ALK: variants seen among roughly 807,000 people sequenced by gnomAD.
ALK encodes the protein ALK tyrosine kinase receptor.
ALK carries 74 observed loss-of-function variants against 163.1 expected under a neutral mutation model. The ratio of observed to expected loss-of-function variants is 0.45; its 90% CI spans 0.38 to 0.55. ALK has a LOEUF of 0.55. Among genes scored for constraint, ALK ranks in the 20% least tolerant of loss-of-function variants. ALK has a pLI of 0.00. For synonymous variants in ALK, 960 were observed against 843.2 expected (o/e 1.14, Z -2.40); for missense variants, 2,063 against 2,105.3 (o/e 0.98, Z 0.39).
chr2:29,513,613 C>G (rs1672581687), intron 4 of ALK, among the ~76,000 whole-genome samples: 1 of 151,868 alleles, frequency 6.6e-6, no homozygotes, highest in Admixed American at 6.6e-5. Flanking sequence ...TCTAAAACAC[C>G]AAAAGCAATG....
chr2:29,530,119 A>G (rs1415397127), intron 4 of ALK, among the ~76,000 whole-genome samples: 1 of 133,336 alleles, frequency 7.5e-6, no homozygotes, highest in East Asian at 2.1e-4. Context: ...TCTCTTTCCC[A>G]ACTCCACCCT....
intron 3 of ALK, among the ~76,000 whole-genome samples, chr2:29,572,688 G>C (rs1251605814): frequency 6.6e-6 from 1 of 152,148 alleles, no homozygotes; most frequent in Non-Finnish European, 1.5e-5. Context: ...TTAAAGGTGA[G>C]GACCATGCCT....
At position 29,800,018 on chromosome 2, in the gene ALK, G is replaced by A. The variant is rs547287569; in HGVS notation, c.668-82321C>T. 1.7e-4 allele frequency among the ~76,000 whole-genome samples: 26 copies of A among 152,344 alleles called. 1 individual carries two copies. The highest frequency in any genetic ancestry group is 6.0e-4 in the African/African-American group (25 of 41,584). On this transcript the variant is annotated intron_variant, in intron 1 of 28. Coordinates refer to ENST00000389048, the MANE Select transcript of ALK (RefSeq NM_004304.5). ...GGACAAAGCTCCGGACTCCAAGTAG[G>A]GGAGGTGAACATGCAAAGTAACAAC...
chr2:29,292,249 T>C (rs1206643788), intron 9 of ALK, among the ~76,000 whole-genome samples: 3 of 152,250 alleles, frequency 2.0e-5, no homozygotes, highest in African/African-American at 7.2e-5. Context: ...TGCAGTGATT[T>C]GTGGGACATG....
intron 4 of ALK, among the ~76,000 whole-genome samples, chr2:29,495,376 G>C (rs780050952): frequency 6.6e-6 from 1 of 152,158 alleles, no homozygotes; most frequent in Non-Finnish European, 1.5e-5. Context: ...GCACTGCACG[G>C]TATGTTCCCG....
At chr2:29,578,752 G>A (rs1038022335) in intron 3 of ALK, among the ~76,000 whole-genome samples, 5 of 152,224 alleles carry the variant, frequency 3.3e-5, no homozygotes, top group Admixed American at 2.0e-4. Flanking sequence ...TTGATTTCAT[G>A]TCCACGTTTC....
At chr2:29,754,262 G>A (rs1680453078) in intron 1 of ALK, among the ~76,000 whole-genome samples, 2 of 152,128 alleles carry the variant, frequency 1.3e-5, no homozygotes, top group South Asian at 4.2e-4. Flanking sequence ...TCCAAGGGTG[G>A]CCACAGCAAG....
intron 4 of ALK, among the ~76,000 whole-genome samples, chr2:29,473,106 C>G (rs1482192027): frequency 6.6e-6 from 1 of 152,142 alleles, no homozygotes; most frequent in African/African-American, 2.4e-5. Context: ...TACCAGATAT[C>G]AAGACATATT....
chr2:29,892,178 G>A (rs1667163735), intron 1 of ALK: 1 of 152,200 alleles, frequency 6.6e-6, no homozygotes, highest in Non-Finnish European at 1.5e-5. Flanking sequence ...AAGGGGCAAT[G>A]TGGCAGTTTC....
intron 3 of ALK, among the ~76,000 whole-genome samples, chr2:29,661,860 T>C (rs1190491212): frequency 2.6e-5 from 4 of 152,168 alleles, no homozygotes; most frequent in African/African-American, 4.8e-5. Flanking sequence ...TGAACTCTTA[T>C]ATGTTTATGG....
At position 29,463,293 on chromosome 2, in the gene ALK, T is replaced by A. The variant is rs536559866; in HGVS notation, c.1154+68622A>T. On this transcript the variant is annotated intron_variant, in intron 4 of 28. Coordinates refer to ENST00000389048, the MANE Select transcript of ALK (RefSeq NM_004304.5). ...TGACTGTTGCAGCAAGAAGAAGGAT[T>A]CCAGACATTCCATTCACTTGAAATA... is the stretch of plus-strand genomic sequence containing the variant. Among the ~76,000 whole-genome samples, 5 of 152,302 alleles carry A rather than the reference T, an allele frequency of 3.3e-5. No homozygotes were observed. The East Asian group carries it at 9.7e-4, about 29-fold the overall frequency.
At chr2:29,587,152 G>A (rs186318056) in intron 3 of ALK, among the ~76,000 whole-genome samples, 1 of 152,190 alleles carries the variant, frequency 6.6e-6, no homozygotes, top group Non-Finnish European at 1.5e-5. Context: ...ATTTCCCCTT[G>A]GGGGAGGGGT....
chr2:29,721,623 C>T (rs998663276), intron 1 of ALK, among the ~76,000 whole-genome samples: 8 of 152,198 alleles, frequency 5.3e-5, no homozygotes, highest in Non-Finnish European at 7.3e-5. Flanking sequence ...TGTATCAGTG[C>T]CTTCTCTTCT....
At chr2:29,456,732 T>G (rs74926680) in intron 4 of ALK, among the ~76,000 whole-genome samples, 372 of 152,322 alleles carry the variant, frequency 2.4e-3, no homozygotes, top group Non-Finnish European at 4.6e-3. Context: ...TATTTTACCA[T>G]AATAAAAAAT....
At position 29,369,857 on chromosome 2, in the gene ALK, G is replaced by C. The variant is rs189203160; in HGVS notation, c.1282+13875C>G. The stretch of plus-strand genomic sequence containing the variant: ...CGGAATAAATAAATGATATGGTTCT[G>C]AGTCGAGCACCTGCTTTTGCATTAC... On this transcript the variant is annotated intron_variant, in intron 5 of 28. Transcript: ENST00000389048. Among the ~76,000 whole-genome samples, 4 of 152,316 alleles carry C rather than the reference G, an allele frequency of 2.6e-5. No homozygotes were observed. In the East Asian group the frequency reaches 7.7e-4, roughly 29 times the overall value.
intron 1 of ALK, among the ~76,000 whole-genome samples, chr2:29,919,066 C>G (rs1048807498): frequency 6.6e-6 from 1 of 152,148 alleles, no homozygotes; most frequent in Non-Finnish European, 1.5e-5. Flanking sequence ...ACACACACCC[C>G]CAACTCAGTG....
At chr2:29,272,017 G>C (rs1275974145) in intron 11 of ALK, among the ~76,000 whole-genome samples, 1 of 152,182 alleles carries the variant, frequency 6.6e-6, no homozygotes, top group Non-Finnish European at 1.5e-5. Flanking sequence ...AAGGGTCCTT[G>C]GGCCCTGGGG....
chr2:29,866,366 G>GAATTGT (rs1283917456), intron 1 of ALK, among the ~76,000 whole-genome samples: 1 of 152,188 alleles, frequency 6.6e-6, no homozygotes, highest in African/African-American at 2.4e-5. Flanking sequence ...ACAGCAGCAT[G>GAATTGT]GTGCAACTCG....
At chr2:29,258,726 T>C (rs1042465633) in intron 11 of ALK, among the ~76,000 whole-genome samples, 2 of 152,244 alleles carry the variant, frequency 1.3e-5, no homozygotes, top group Admixed American at 6.5e-5. Flanking sequence ...CCAGGTCCTT[T>C]TGACATGACG....
Sources: gnomAD v4.1 joint callset for allele counts (sites outside exome capture counted in the v4.1 genomes callset) on GRCh38, gnomAD v4.1.1 for gene constraint, MANE v1.5 for transcripts, NCBI Gene and HGNC (gene_info 2026-07-23, HGNC 2026-07-21) for gene names.